Variants in NALCN observed in about 807,000 individuals in gnomAD.
The protein encoded by NALCN is sodium leak channel NALCN.
In NALCN, 111 loss-of-function variants were observed where a neutral mutation model predicts 225.3. That is an observed-to-expected ratio of 0.49 (90% CI 0.42 to 0.58). The LOEUF is 0.58. Ranked by LOEUF, NALCN falls within the 20% of genes least tolerant of loss-of-function variation. The pLI, the probability that NALCN is intolerant of heterozygous loss-of-function variation, is 0.00. For synonymous variants in NALCN, 764 were observed against 769.0 expected (o/e 0.99, Z 0.11); for missense variants, 1,378 against 2,202.4 (o/e 0.63, Z 7.49).
intron 35 of NALCN, among the ~76,000 whole-genome samples, chr13:101,075,152 G>C (rs1169290706): frequency 6.6e-6 from 1 of 152,006 alleles, no homozygotes; most frequent in African/African-American, 2.4e-5. Context: ...ATGTATATAT[G>C]AAATAACGTT....
In NALCN at chr13:101,197,775, A is replaced by C. The variant is rs150470843; in HGVS notation, c.1627-5721T>G. 3.7e-3 allele frequency among the ~76,000 whole-genome samples: 560 copies of C among 152,292 alleles called. 1 individual carries two copies. The highest frequency in any genetic ancestry group is 0.027 in the Middle Eastern group (8 of 294). ...TAGTGAATTTTAATGGGAAACTATG[A>C]AGAAAAATCAGATTGCCAACAGTAG... On this transcript the variant is annotated intron_variant, in intron 13 of 43. Coordinates refer to ENST00000251127, the MANE Select transcript of NALCN (RefSeq NM_052867.4).
chr13:101,149,290 CAAA>C (rs57870899), intron 15 of NALCN, among the ~76,000 whole-genome samples: 2,231 of 142,160 alleles, frequency 0.016, 28 homozygotes, highest in African/African-American at 0.046. Flanking sequence ...GAGACTGTCT[CAAA>C]AAAAAAAAAA....
chr13:101,245,516 G>T (rs931646916), intron 11 of NALCN, among the ~76,000 whole-genome samples: 6 of 151,826 alleles, frequency 4.0e-5, no homozygotes, highest in African/African-American at 1.5e-4. Context: ...ACTCTACTTT[G>T]GTTATTTGGT....
intron 9 of NALCN, among the ~76,000 whole-genome samples, chr13:101,285,566 A>G (rs1038570719): frequency 1.3e-5 from 2 of 151,960 alleles, no homozygotes; most frequent in Non-Finnish European, 2.9e-5. Flanking sequence ...TCTGCCTCCT[A>G]TATGTATTTT....
chr13:101,190,505 C>G (rs1358492086), intron 14 of NALCN, among the ~76,000 whole-genome samples: 1 of 152,218 alleles, frequency 6.6e-6, no homozygotes, highest in African/African-American at 2.4e-5. Flanking sequence ...CTTTGCAAGC[C>G]AGGCTTCCAT....
chr13:101,415,238 T>TATATATATATATACA (rs2047908322), intron 1 of NALCN, among the ~76,000 whole-genome samples: 1 of 149,142 alleles, frequency 6.7e-6, no homozygotes, highest in Non-Finnish European at 1.5e-5. Flanking sequence ...TACATATATA[T>TATATATATATATACA]TTCAAAATCG....
intron 15 of NALCN, among the ~76,000 whole-genome samples, chr13:101,157,880 G>A (rs959335747): frequency 6.6e-6 from 1 of 151,734 alleles, no homozygotes; most frequent in African/African-American, 2.4e-5. Context: ...AGCTTCCTGA[G>A]TAGCTGGGAT....
chr13:101,273,398 T>C (rs1466310390), intron 10 of NALCN, among the ~76,000 whole-genome samples: 1 of 152,202 alleles, frequency 6.6e-6, no homozygotes, highest in Non-Finnish European at 1.5e-5. Flanking sequence ...CTTTTCACCT[T>C]TCTAAGACTC....
At chr13:101,196,273 T>C (rs895756549) in intron 13 of NALCN, among the ~76,000 whole-genome samples, 1 of 152,204 alleles carries the variant, frequency 6.6e-6, no homozygotes, top group African/African-American at 2.4e-5. Flanking sequence ...CTATCTCAAG[T>C]AGCTTCCAGA....
intron 30 of NALCN, among the ~76,000 whole-genome samples, chr13:101,087,752 A>G (rs2034005814): frequency 6.6e-6 from 1 of 152,120 alleles, no homozygotes; most frequent in African/African-American, 2.4e-5. Context: ...CCACTTCTCT[A>G]AGCTCAAGTG....
At chr13:101,325,971 G>A (rs1407694488) in intron 7 of NALCN, among the ~76,000 whole-genome samples, 1 of 152,124 alleles carries the variant, frequency 6.6e-6, no homozygotes, top group Non-Finnish European at 1.5e-5. Flanking sequence ...CTCTGTTAAT[G>A]CCTCAACTAT....
chr13:101,139,070 G>A (rs2036940164), intron 17 of NALCN, among the ~76,000 whole-genome samples: 1 of 152,168 alleles, frequency 6.6e-6, no homozygotes, highest in African/African-American at 2.4e-5. Context: ...TTCCTTTTAG[G>A]ATCTGGGTCA....
intron 7 of NALCN, among the ~76,000 whole-genome samples, chr13:101,321,944 A>T (rs149753263): frequency 6.6e-6 from 1 of 152,232 alleles, no homozygotes; most frequent in African/African-American, 2.4e-5. Context: ...TTCTTATGTA[A>T]TTGAGTTTTT....
chr13:101,104,590 A>G lies in NALCN; in HGVS notation c.2697T>C (p.Ser899=). ...DWVMIIVTIC[S]CISMMFESPF... ...GGGACTCAAACATCATGGAAATGCA[A>G]GAGCAGATGGTTACGATGATCATGA... Residue 899 remains serine, a synonymous_variant, in exon 24 of 44, where the codon TCT becomes TCC. Transcript: ENST00000251127. The surrounding 1 kb of genome is among the most constrained non-coding windows in gnomAD (Gnocchi z 4.2). 1 of 1,614,066 alleles carries G rather than the reference A, an allele frequency of 6.2e-7. No individual in the cohort carries two copies. Among genetic ancestry groups the G allele is most frequent in the South Asian group, 1.1e-5 (1 of 91,090 alleles).
At position 101,300,531 on chromosome 13, in the gene NALCN, G is replaced by T. The variant is rs138088824; in HGVS notation, c.800-8165C>A. 5.1e-3 allele frequency among the ~76,000 whole-genome samples: 766 copies of T among 151,614 alleles called. 6 individuals carry two copies. Among genetic ancestry groups the T allele is most frequent in the African/African-American group, 0.018 (739 of 41,298 alleles). On this transcript the variant is annotated intron_variant, in intron 7 of 43. Transcript: ENST00000251127. ...AGTGGTACAGTCTTGGCTCACTGCA[G>T]CCTTCACCTCCTGGGTTCAACCAAT...
intron 14 of NALCN, 52 bp from the exon 15 acceptor site, chr13:101,176,426 AATATT>A: frequency 7.4e-7 from 1 of 1,357,680 alleles, no homozygotes; most frequent in Non-Finnish European, 1.0e-6. Flanking sequence ...TAAGTATCAA[AATATT>A]ATATGTATAA....
At position 101,380,857 on chromosome 13, in the gene NALCN, A is replaced by AACACACACACAC. The variant is rs58640505; in HGVS notation, c.292-2216_292-2205dup. Among the ~76,000 whole-genome samples, 110 of 145,670 alleles carry AACACACACACAC rather than the reference A, an allele frequency of 7.6e-4. 1 individual carries two copies. Among genetic ancestry groups the AACACACACACAC allele is most frequent in the African/African-American group, 2.5e-3 (99 of 39,468 alleles). On this transcript the variant is annotated intron_variant, in intron 3 of 43. Transcript: ENST00000251127. ...ATTAGAGGATATATAATGCCTAGCT[A>AACACACACACAC]ACACACACACACACACACACACACA...
intron 15 of NALCN, among the ~76,000 whole-genome samples, chr13:101,173,301 T>G (rs2038821722): frequency 6.6e-6 from 1 of 152,240 alleles, no homozygotes; most frequent in African/African-American, 2.4e-5. Context: ...CATAGTCCTA[T>G]GAGTGCCCTC....
At chr13:101,332,282 T>C (rs887863343) in intron 7 of NALCN, among the ~76,000 whole-genome samples, 5 of 141,792 alleles carry the variant, frequency 3.5e-5, no homozygotes, top group African/African-American at 1.3e-4. Context: ...AGATAAAAAA[T>C]AAAAATCCAT....
Sources: gnomAD v4.1 joint callset for allele counts (sites outside exome capture counted in the v4.1 genomes callset) on GRCh38, gnomAD v4.1.1 for gene constraint, Gnocchi (gnomAD v3.1) non-coding constraint, MANE v1.5 for transcripts, NCBI Gene and HGNC (gene_info 2026-07-23, HGNC 2026-07-21) for gene names.